PRKG1: variants seen among roughly 807,000 people sequenced by gnomAD.
PRKG1 encodes protein kinase cGMP-dependent 1.
PRKG1 carries 35 observed loss-of-function variants against 88.1 expected under a neutral mutation model. The observed-to-expected ratio is 0.40, with a 90% confidence interval of 0.30 to 0.53. PRKG1 has a LOEUF of 0.53. Ranked by LOEUF, PRKG1 falls within the 20% of genes least tolerant of loss-of-function variation. The pLI is 0.59. For missense variants in PRKG1, 540 were observed against 839.8 expected (o/e 0.64, Z 4.41); for synonymous variants, 303 against 292.5 (o/e 1.04, Z -0.37).
intron 2 of PRKG1, among the ~76,000 whole-genome samples, chr10:51,163,827 G>C (rs1238437494): frequency 1.3e-5 from 2 of 152,178 alleles, no homozygotes; most frequent in Admixed American, 6.5e-5. Context: ...CTGCAAGGCC[G>C]CAGCGAGGCT....
intron 5 of PRKG1, among the ~76,000 whole-genome samples, chr10:51,968,735 A>T (rs1483127110): frequency 1.3e-5 from 2 of 151,626 alleles, no homozygotes; most frequent in East Asian, 3.9e-4. Flanking sequence ...AGGCAGGATA[A>T]TCGCTTAAAT....
intron 2 of PRKG1, among the ~76,000 whole-genome samples, chr10:51,452,790 G>A (rs1337710733): frequency 6.6e-6 from 1 of 151,840 alleles, no homozygotes; most frequent in Non-Finnish European, 1.5e-5. Flanking sequence ...TGGTATTAGG[G>A]TGATATTGGC....
At chr10:52,160,808 C>A (rs548869891) in intron 8 of PRKG1, among the ~76,000 whole-genome samples, 1 of 151,924 alleles carries the variant, frequency 6.6e-6, no homozygotes, top group Non-Finnish European at 1.5e-5. Context: ...TAATTTCTTA[C>A]AGTATTTTAA....
At chr10:52,179,459 T>G (rs542715010) in intron 9 of PRKG1, among the ~76,000 whole-genome samples, 17 of 152,332 alleles carry the variant, frequency 1.1e-4, no homozygotes, top group African/African-American at 4.1e-4. Context: ...AATCCACTTT[T>G]ATTCTAATGG....
intron 3 of PRKG1, among the ~76,000 whole-genome samples, chr10:51,491,502 C>CA (rs1438326598): frequency 6.6e-6 from 1 of 151,962 alleles, no homozygotes. Context: ...ACCCATTTGA[C>CA]AGATGAAGGA....
chr10:51,301,337 A>G (rs952919777), intron 2 of PRKG1, among the ~76,000 whole-genome samples: 23 of 152,068 alleles, frequency 1.5e-4, no homozygotes, highest in Admixed American at 1.2e-3. Context: ...GGGATAAAAT[A>G]GTAATGGAAT....
intron 1 of PRKG1, among the ~76,000 whole-genome samples, chr10:51,081,945 G>C (rs1313679939): frequency 6.6e-6 from 1 of 152,106 alleles, no homozygotes; most frequent in Non-Finnish European, 1.5e-5. Context: ...TTTCTGTAGA[G>C]ACAGGGTCTC....
intron 3 of PRKG1, among the ~76,000 whole-genome samples, chr10:51,495,963 A>G (rs908424851): frequency 6.6e-6 from 1 of 152,246 alleles, no homozygotes; most frequent in African/African-American, 2.4e-5. Context: ...GCTGTTTTGT[A>G]TAAATTAATG....
chr10:51,145,171 A>G (rs1845913980), intron 1 of PRKG1, among the ~76,000 whole-genome samples: 2 of 152,288 alleles, frequency 1.3e-5, no homozygotes, highest in South Asian at 2.1e-4. Context: ...ATGGCACTCA[A>G]TGTATGCCCT....
At chr10:51,863,079 C>T (rs1462529785) in intron 4 of PRKG1, among the ~76,000 whole-genome samples, 5 of 151,928 alleles carry the variant, frequency 3.3e-5, no homozygotes, top group Non-Finnish European at 7.4e-5. Flanking sequence ...TAATGCATGC[C>T]ACTCCCATAT....
At chr10:51,593,704 A>T (rs1330400814) in intron 3 of PRKG1, among the ~76,000 whole-genome samples, 1 of 151,852 alleles carries the variant, frequency 6.6e-6, no homozygotes, top group East Asian at 1.9e-4. Context: ...TTACTAGAAA[A>T]GTATGGCACC....
At chr10:52,248,385 A>G (rs1224979583) in intron 9 of PRKG1, among the ~76,000 whole-genome samples, 1 of 152,238 alleles carries the variant, frequency 6.6e-6, no homozygotes, top group Non-Finnish European at 1.5e-5. Context: ...AGTTATGGTT[A>G]CTTTTCTATA....
chr10:51,437,112 T>C (rs1001627393), intron 2 of PRKG1, among the ~76,000 whole-genome samples: 4 of 151,996 alleles, frequency 2.6e-5, no homozygotes, highest in Non-Finnish European at 5.9e-5. Context: ...TATGAGGTCT[T>C]ATCTTTCCCC....
chr10:50,993,067 G>C (rs1407698771), intron 1 of PRKG1, among the ~76,000 whole-genome samples: 1 of 152,126 alleles, frequency 6.6e-6, no homozygotes, highest in Non-Finnish European at 1.5e-5. Flanking sequence ...AGGGCGCTTA[G>C]TGTCTGCCAC....
intron 3 of PRKG1, among the ~76,000 whole-genome samples, chr10:51,728,449 CTTTGTTTTTT>C (rs1842189328): frequency 5.2e-5 from 3 of 57,918 alleles, no homozygotes; most frequent in Non-Finnish European, 7.0e-5. Flanking sequence ...TCCATTTTTT[CTTTGTTTTTT>C]TTTTTTTTTT....
intron 9 of PRKG1, among the ~76,000 whole-genome samples, chr10:52,196,900 TTAAC>T (rs1410418382): frequency 6.6e-5 from 10 of 152,200 alleles, no homozygotes; most frequent in Admixed American, 6.5e-5. Flanking sequence ...GATATAGACA[TTAAC>T]TAAATAGTAG....
At chr10:51,271,587 G>A (rs923545193) in intron 2 of PRKG1, among the ~76,000 whole-genome samples, 2 of 152,284 alleles carry the variant, frequency 1.3e-5, no homozygotes, top group East Asian at 3.9e-4. Flanking sequence ...TACTCTCACA[G>A]AATATTTTCA....
At chr10:51,232,816 C>T (rs752837309) in intron 2 of PRKG1, among the ~76,000 whole-genome samples, 3 of 152,116 alleles carry the variant, frequency 2.0e-5, no homozygotes, top group African/African-American at 4.8e-5. Context: ...ATCAACCTGC[C>T]CCTACCTTGG....
At chr10:51,620,205 AT>A (rs1294777005) in intron 3 of PRKG1, among the ~76,000 whole-genome samples, 1 of 152,166 alleles carries the variant, frequency 6.6e-6, no homozygotes, top group Non-Finnish European at 1.5e-5. Context: ...TCTTCTATGA[AT>A]TTCTATAAAA....
Sources: gnomAD v4.1 joint callset for allele counts (sites outside exome capture counted in the v4.1 genomes callset) on GRCh38, gnomAD v4.1.1 for gene constraint, MANE v1.5 for transcripts, NCBI Gene and HGNC (gene_info 2026-07-23, HGNC 2026-07-21) for gene names.